The following DENND1A variants were observed in gnomAD, a reference collection of about 807,000 sequenced individuals.
The protein encoded by DENND1A is DENN domain containing 1A.
Under a neutral mutation model 113.7 loss-of-function variants are expected in DENND1A, and 51 were observed. That is an observed-to-expected ratio of 0.45 (90% CI 0.36 to 0.57). The LOEUF is 0.57. Ranked by LOEUF, DENND1A falls within the 20% of genes least tolerant of loss-of-function variation. The pLI, the probability that DENND1A is intolerant of heterozygous loss-of-function variation, is 0.00. For synonymous variants in DENND1A, 565 were observed against 570.8 expected (o/e 0.99, Z 0.14); for missense variants, 1,258 against 1,395.9 (o/e 0.90, Z 1.57).
intron 1 of DENND1A, among the ~76,000 whole-genome samples, chr9:123,919,883 G>C (rs1274966122): frequency 7.2e-5 from 4 of 55,394 alleles, no homozygotes; most frequent in African/African-American, 2.2e-4. Context: ...CTCTGTCTCA[G>C]AAAAAAAAAA....
chr9:123,524,403 A>G (rs953526311), intron 13 of DENND1A, among the ~76,000 whole-genome samples: 4 of 152,268 alleles, frequency 2.6e-5, no homozygotes, highest in Admixed American at 2.6e-4. Flanking sequence ...ATCTAGAAAG[A>G]AAGGCTGCAA....
chr9:123,605,526 T>C (rs1262917216), intron 11 of DENND1A, among the ~76,000 whole-genome samples: 5 of 152,222 alleles, frequency 3.3e-5, no homozygotes, highest in Non-Finnish European at 4.4e-5. Flanking sequence ...ACTAGGTCTA[T>C]GCCAATACCC....
At chr9:123,561,502 C>T (rs1264977467) in intron 12 of DENND1A, among the ~76,000 whole-genome samples, 1 of 152,168 alleles carries the variant, frequency 6.6e-6, no homozygotes, top group Non-Finnish European at 1.5e-5. Context: ...TGCATCTGAT[C>T]GCTGGGGAGT....
At chr9:123,820,519 A>G (rs1183798009) in intron 2 of DENND1A, among the ~76,000 whole-genome samples, 3 of 152,154 alleles carry the variant, frequency 2.0e-5, no homozygotes, top group Non-Finnish European at 4.4e-5. Flanking sequence ...CATCTTGGAC[A>G]TGGCGAGCTC....
intron 19 of DENND1A, among the ~76,000 whole-genome samples, chr9:123,429,847 G>T (rs1450997643): frequency 1.3e-5 from 2 of 152,154 alleles, no homozygotes; most frequent in African/African-American, 4.8e-5. Context: ...ATTGACAAAT[G>T]GGATCTAATT....
At chr9:123,813,426 C>T (rs1361714460) in intron 2 of DENND1A, among the ~76,000 whole-genome samples, 28 of 150,108 alleles carry the variant, frequency 1.9e-4, no homozygotes, top group African/African-American at 5.9e-4. Context: ...TCCAAAGGAC[C>T]AGTAAATTCT....
At chr9:123,918,071 G>A (rs927346249) in intron 1 of DENND1A, among the ~76,000 whole-genome samples, 5 of 150,858 alleles carry the variant, frequency 3.3e-5, no homozygotes, top group Admixed American at 1.3e-4. Flanking sequence ...CCAAGATCGC[G>A]TCACTGCACT....
intron 9 of DENND1A, among the ~76,000 whole-genome samples, chr9:123,651,398 G>A (rs1266377620): frequency 2.0e-5 from 3 of 151,792 alleles, no homozygotes; most frequent in African/African-American, 4.9e-5. Flanking sequence ...ACGTACACAC[G>A]TGCGCACATG....
At chr9:123,818,523 C>T (rs1039708504) in intron 2 of DENND1A, among the ~76,000 whole-genome samples, 47 of 90,538 alleles carry the variant, frequency 5.2e-4, no homozygotes, top group African/African-American at 2.7e-3. Context: ...TACATATACA[C>T]ACACACACAC....
chr9:123,667,389 T>A (rs1197172513), intron 7 of DENND1A, among the ~76,000 whole-genome samples: 1 of 152,058 alleles, frequency 6.6e-6, no homozygotes, highest in African/African-American at 2.4e-5. Flanking sequence ...CCAAGGCAGG[T>A]AGATCACATG....
intron 5 of DENND1A, among the ~76,000 whole-genome samples, chr9:123,695,583 G>T (rs539273795): frequency 6.6e-6 from 1 of 152,262 alleles, no homozygotes; most frequent in South Asian, 2.1e-4. Context: ...TGACTGTGAG[G>T]TCCTTTGCTG....
chr9:123,419,953 G>A (rs537000408), intron 19 of DENND1A, among the ~76,000 whole-genome samples: 9 of 152,344 alleles, frequency 5.9e-5, no homozygotes, highest in African/African-American at 1.7e-4. Flanking sequence ...CTGGTGTCAC[G>A]TAGCGTACAG....
At chr9:123,472,353 C>A (rs2049497067) in intron 13 of DENND1A, among the ~76,000 whole-genome samples, 1 of 152,148 alleles carries the variant, frequency 6.6e-6, no homozygotes, top group Admixed American at 6.5e-5. Flanking sequence ...GTGGGGCAGC[C>A]AGCCGGCGGT....
At chr9:123,809,624 T>C (rs1433373441) in intron 2 of DENND1A, among the ~76,000 whole-genome samples, 1 of 152,312 alleles carries the variant, frequency 6.6e-6, no homozygotes, top group South Asian at 2.1e-4. Flanking sequence ...AAACAATTAT[T>C]AAAGATTTTT....
chr9:123,768,442 C>G (rs1275403230), intron 4 of DENND1A, among the ~76,000 whole-genome samples: 3 of 152,176 alleles, frequency 2.0e-5, no homozygotes, highest in Non-Finnish European at 4.4e-5. Context: ...TACTCTAAAT[C>G]ACTGAAATCT....
At chr9:123,768,782 C>T (rs1448636679) in intron 4 of DENND1A, among the ~76,000 whole-genome samples, 1 of 142,352 alleles carries the variant, frequency 7.0e-6, no homozygotes, top group Non-Finnish European at 1.5e-5. Flanking sequence ...ATAGTTAATA[C>T]ATTAGTTTTA....
In DENND1A at chr9:123,383,747, C is replaced by T. The variant is rs779644873; in HGVS notation, c.1927G>A (p.Ala643Thr). The change falls in exon 23 of 24, where the codon GCC becomes ACC. Residue 643 changes from alanine (A) to threonine (T), a missense_variant. Ala to Thr is a moderately conservative substitution (Grantham distance 58). Around this residue, in one of 2 missense-constraint regions of DENND1A, gnomAD observed 1,159 missense variants for 1,231.7 expected, o/e 0.94. Coordinates refer to ENST00000394215, the MANE Select transcript of DENND1A (RefSeq NM_001352964.2). Reference sequence around the variant, plus strand: ...GCCTGGCCCAGTGGCTGCAGTGCGGCCTCCATGTCCAGGTTGCTGAAGACG... The same window carrying T: ...GCCTGGCCCAGTGGCTGCAGTGCGGTCTCCATGTCCAGGTTGCTGAAGACG... ...EDVFSNLDMEAALQPLGQAKS... is the reference protein window; with the variant it reads ...EDVFSNLDMETALQPLGQAKS... 2.5e-6 allele frequency: 4 copies of T among 1,614,136 alleles called. No homozygotes were observed. The South Asian group carries it at 3.3e-5, about 13-fold the overall frequency.
At chr9:123,525,713 CA>C (rs1404120488) in intron 13 of DENND1A, among the ~76,000 whole-genome samples, 1 of 149,506 alleles carries the variant, frequency 6.7e-6, no homozygotes, top group Non-Finnish European at 1.5e-5. Context: ...GCATTAGGGC[CA>C]AAGAAAACAA....
intron 5 of DENND1A, among the ~76,000 whole-genome samples, chr9:123,692,597 G>A (rs904472871): frequency 9.9e-5 from 15 of 152,180 alleles, no homozygotes; most frequent in East Asian, 5.8e-4. Context: ...AAGGAACAGC[G>A]TATATTATTC....
Sources: gnomAD v4.1 joint callset for allele counts (sites outside exome capture counted in the v4.1 genomes callset) on GRCh38, gnomAD v4.1.1 for gene constraint, gnomAD v4.1.1 regional missense constraint, MANE v1.5 for transcripts, NCBI Gene and HGNC (gene_info 2026-07-23, HGNC 2026-07-21) for gene names.